DPH6: variants seen among roughly 807,000 people sequenced by gnomAD.
DPH6 encodes diphthine--ammonia ligase.
Under a neutral mutation model 38.2 loss-of-function variants are expected in DPH6, and 33 were observed. That is an observed-to-expected ratio of 0.86 (90% CI 0.65 to 1.15). The LOEUF (loss-of-function observed/expected upper bound fraction) is 1.15, where lower values mean the gene tolerates loss of function less well. Among genes scored for constraint, DPH6 ranks in the 50% most tolerant of loss-of-function variants. The pLI is 0.00. For missense variants in DPH6, 325 were observed against 320.0 expected, an observed-to-expected ratio of 1.02 and a Z score of -0.12; for synonymous variants, 108 against 103.0, an observed-to-expected ratio of 1.05 and a Z score of -0.30.
intron 3 of DPH6, among the ~76,000 whole-genome samples, chr15:35,257,241 A>G (rs1208425013): frequency 1.3e-5 from 2 of 152,214 alleles, no homozygotes; most frequent in Non-Finnish European, 2.9e-5. Context: ...GTCACTTCTT[A>G]GGAACATGTA....
chr15:35,312,132 C>T (rs1027295483), intron 3 of DPH6, among the ~76,000 whole-genome samples: 1 of 151,434 alleles, frequency 6.6e-6, no homozygotes, highest in East Asian at 1.9e-4. Flanking sequence ...AGGAAAGCTA[C>T]TATATTTTAA....
At chr15:35,146,653 G>A in the DPH6 span, among the ~76,000 whole-genome samples, 4 of 151,860 alleles carry the variant, frequency 2.6e-5, no homozygotes, top group South Asian at 2.1e-4. Context: ...TTGATCTGCC[G>A]TATTGCAGAA....
Position 35,398,526 on chromosome 15 carries a change from G to A in DPH6, c.567+12309C>T, listed in dbSNP as rs368895580. On this transcript the variant is annotated intron_variant, in intron 6 of 8. Transcript: ENST00000256538. ...CATGGAGCTGCCTGGAGGATGGTGCGCTGAGAGACAGCCTGGAAGCTCTGT... is the reference window on the plus strand; with the variant it reads ...CATGGAGCTGCCTGGAGGATGGTGCACTGAGAGACAGCCTGGAAGCTCTGT... Among the ~76,000 whole-genome samples the A allele has an allele frequency of 6.1e-3, 808 of 133,112 alleles. 8 individuals are homozygous for A. Among genetic ancestry groups the A allele is most frequent in the African/African-American group, 0.025 (776 of 31,342 alleles). The allele number at this position is 133,112 out of a possible 152,430, so 87.3% of individuals were successfully genotyped here.
chr15:35,409,034 G>C (rs1327558887), intron 6 of DPH6, among the ~76,000 whole-genome samples: 1 of 151,890 alleles, frequency 6.6e-6, no homozygotes, highest in African/African-American at 2.4e-5. Flanking sequence ...AGACAGTCGA[G>C]GGGGTGGGTT....
chr15:35,396,881 C>T (rs1282912525), intron 6 of DPH6, among the ~76,000 whole-genome samples: 2 of 152,154 alleles, frequency 1.3e-5, no homozygotes, highest in Non-Finnish European at 2.9e-5. Flanking sequence ...GTCTTTCTCA[C>T]CCACAACATC....
chr15:35,382,386 C>A (rs918237046), intron 6 of DPH6, among the ~76,000 whole-genome samples: 1 of 152,134 alleles, frequency 6.6e-6, no homozygotes, highest in Non-Finnish European at 1.5e-5. Flanking sequence ...GCCGAGTTTG[C>A]AGTGAGCCGA....
intron 3 of DPH6, among the ~76,000 whole-genome samples, chr15:35,259,132 A>C (rs1042598996): frequency 7.6e-6 from 1 of 131,260 alleles, no homozygotes; most frequent in Admixed American, 8.0e-5. Flanking sequence ...GGGACACAGC[A>C]AGACTCCGTC....
chr15:35,532,254 A>G (rs983265471), intron 3 of DPH6, among the ~76,000 whole-genome samples: 7 of 152,186 alleles, frequency 4.6e-5, no homozygotes, highest in Non-Finnish European at 8.8e-5. Context: ...TGTTTGGACT[A>G]TATCTTAATC....
chr15:35,429,918 G>A (rs1385346149), intron 5 of DPH6, among the ~76,000 whole-genome samples: 1 of 152,042 alleles, frequency 6.6e-6, no homozygotes, highest in Non-Finnish European at 1.5e-5. Context: ...AACACTGATT[G>A]AACAGAAGCT....
chr15:35,435,329 T>C (rs1739944445), intron 5 of DPH6, among the ~76,000 whole-genome samples: 1 of 152,158 alleles, frequency 6.6e-6, no homozygotes, highest in Non-Finnish European at 1.5e-5. Context: ...TGACAATTAC[T>C]GAGTTTTGGA....
chr15:35,168,360 C>T, the DPH6 span, among the ~76,000 whole-genome samples: 1 of 151,876 alleles, frequency 6.6e-6, no homozygotes, highest in African/African-American at 2.4e-5. Context: ...AAAGAGATTG[C>T]TTGAGTGCTG....
intron 3 of DPH6, among the ~76,000 whole-genome samples, chr15:35,279,977 T>C (rs1166698653): frequency 2.0e-5 from 3 of 152,082 alleles, no homozygotes; most frequent in Non-Finnish European, 4.4e-5. Flanking sequence ...CCCACACACA[T>C]GTACCAGGGA....
intron 6 of DPH6, among the ~76,000 whole-genome samples, chr15:35,405,815 A>C (rs1282335972): frequency 6.6e-6 from 1 of 152,054 alleles, no homozygotes; most frequent in Admixed American, 6.6e-5. Flanking sequence ...CCCATTCAGT[A>C]TGATACTCGC....
chr15:35,326,650 G>A (rs1212552123), downstream of DPH6, among the ~76,000 whole-genome samples: 4 of 151,988 alleles, frequency 2.6e-5, no homozygotes, highest in Non-Finnish European at 4.4e-5. Context: ...TGCCCAGGCT[G>A]GTCTCAAACT....
chr15:35,160,645 C>T, the DPH6 span, among the ~76,000 whole-genome samples: 2 of 151,838 alleles, frequency 1.3e-5, no homozygotes, highest in South Asian at 4.1e-4. Flanking sequence ...CTATTCTTCC[C>T]ATCTTTGTGT....
At chr15:35,500,076 T>C (rs2054606475) in intron 3 of DPH6, among the ~76,000 whole-genome samples, 1 of 152,214 alleles carries the variant, frequency 6.6e-6, no homozygotes, top group African/African-American at 2.4e-5. Flanking sequence ...AGTTTACTCC[T>C]ATCATGAATG....
intron 3 of DPH6, among the ~76,000 whole-genome samples, chr15:35,535,097 T>G (rs553063563): frequency 6.6e-6 from 1 of 152,256 alleles, no homozygotes; most frequent in South Asian, 2.1e-4. Flanking sequence ...AAGGGATGTG[T>G]CACTACTCAA....
chr15:35,318,484 T>G (rs2052212160), intron 3 of DPH6, among the ~76,000 whole-genome samples: 1 of 152,140 alleles, frequency 6.6e-6, no homozygotes. Context: ...TATATAACAG[T>G]GCACACATTG....
intron 3 of DPH6, among the ~76,000 whole-genome samples, chr15:35,317,057 A>G (rs2052196085): frequency 6.6e-6 from 1 of 152,166 alleles, no homozygotes; most frequent in Admixed American, 6.5e-5. Flanking sequence ...AAGGAGTTTG[A>G]GACAAGCCTG....
Sources: gnomAD v4.1 joint callset for allele counts (sites outside exome capture counted in the v4.1 genomes callset) on GRCh38, gnomAD v4.1.1 for gene constraint, MANE v1.5 for transcripts, NCBI Gene and HGNC (gene_info 2026-07-23, HGNC 2026-07-21) for gene names.